Variants in SPOCK1 observed in about 807,000 individuals in gnomAD.
SPOCK1 encodes testican-1.
In SPOCK1, 23 loss-of-function variants were observed where a neutral mutation model predicts 55.3. The ratio of observed to expected loss-of-function variants is 0.42; its 90% CI spans 0.30 to 0.59. SPOCK1 has a LOEUF of 0.59. Ranked by LOEUF, SPOCK1 falls within the 20% of genes least tolerant of loss-of-function variation. SPOCK1 has a pLI of 0.22. For synonymous variants in SPOCK1, 226 were observed against 221.0 expected (o/e 1.02, Z -0.20); for missense variants, 499 against 552.5 (o/e 0.90, Z 0.97).
chr5:137,131,693 C>A (rs1248948681), intron 4 of SPOCK1, among the ~76,000 whole-genome samples: 1 of 151,458 alleles, frequency 6.6e-6, no homozygotes, highest in Non-Finnish European at 1.5e-5. Flanking sequence ...TATCTCCCCC[C>A]CGGGTGTGGT....
chr5:137,080,810 A>G (rs1752868003), intron 5 of SPOCK1, among the ~76,000 whole-genome samples: 1 of 152,214 alleles, frequency 6.6e-6, no homozygotes. Context: ...AAGTGGCTGT[A>G]TCAGAGAGAG....
chr5:137,097,778 ACTG>A (rs1193854993), intron 5 of SPOCK1, among the ~76,000 whole-genome samples: 76 of 152,276 alleles, frequency 5.0e-4, no homozygotes, highest in African/African-American at 1.6e-3. Flanking sequence ...CCCAAATACC[ACTG>A]CATCTGCCAC....
chr5:137,253,211 A>G (rs1756570338), intron 3 of SPOCK1, among the ~76,000 whole-genome samples: 1 of 152,240 alleles, frequency 6.6e-6, no homozygotes, highest in Non-Finnish European at 1.5e-5. Flanking sequence ...GAATTCACTC[A>G]GAGCAATAGG....
chr5:137,181,059 A>G (rs1443161423), intron 3 of SPOCK1, among the ~76,000 whole-genome samples: 1 of 152,170 alleles, frequency 6.6e-6, no homozygotes, highest in East Asian at 1.9e-4. Flanking sequence ...TGGAGTTCCA[A>G]TCTCACAAAT....
At chr5:137,418,365 C>A (rs1354827752) in intron 2 of SPOCK1, among the ~76,000 whole-genome samples, 1 of 152,152 alleles carries the variant, frequency 6.6e-6, no homozygotes, top group Non-Finnish European at 1.5e-5. Flanking sequence ...TTCTAGATCC[C>A]TGAGGAATCG....
At chr5:137,138,401 A>T (rs1018047249) in intron 4 of SPOCK1, among the ~76,000 whole-genome samples, 7 of 152,126 alleles carry the variant, frequency 4.6e-5, no homozygotes, top group Non-Finnish European at 1.0e-4. Flanking sequence ...AACCGATTTG[A>T]GTTTAAAACC....
chr5:137,072,373 C>T (rs1752637189), intron 5 of SPOCK1, among the ~76,000 whole-genome samples: 1 of 151,978 alleles, frequency 6.6e-6, no homozygotes, highest in Admixed American at 6.6e-5. Context: ...AAATACAAAC[C>T]CCTGGGGATT....
At chr5:137,302,954 T>C (rs1386808634) in intron 2 of SPOCK1, among the ~76,000 whole-genome samples, 2 of 152,174 alleles carry the variant, frequency 1.3e-5, no homozygotes, top group African/African-American at 2.4e-5. Context: ...AGCAGTATAT[T>C]TTATTATTTA....
intron 2 of SPOCK1, among the ~76,000 whole-genome samples, chr5:137,282,140 T>C (rs1442119563): frequency 6.6e-6 from 1 of 152,186 alleles, no homozygotes; most frequent in Non-Finnish European, 1.5e-5. Flanking sequence ...CACCAAGAAA[T>C]GGTAACTATA....
intron 3 of SPOCK1, among the ~76,000 whole-genome samples, chr5:137,213,455 C>G (rs11242372): frequency 6.6e-6 from 1 of 151,994 alleles, no homozygotes; most frequent in Non-Finnish European, 1.5e-5. Flanking sequence ...TCTCATTTTA[C>G]GCCATCAAAC....
intron 6 of SPOCK1, among the ~76,000 whole-genome samples, chr5:137,001,775 G>T (rs1751159185): frequency 6.6e-6 from 1 of 152,188 alleles, no homozygotes; most frequent in Non-Finnish European, 1.5e-5. Flanking sequence ...AGGAGCTTCA[G>T]GGGCTGGGAG....
chr5:137,401,345 T>A (rs941750793), intron 2 of SPOCK1, among the ~76,000 whole-genome samples: 8 of 152,150 alleles, frequency 5.3e-5, no homozygotes, highest in Non-Finnish European at 1.0e-4. Flanking sequence ...GCTTATCATG[T>A]GCTAGTTTTA....
chr5:137,076,821 T>C (rs1212202351), intron 5 of SPOCK1, among the ~76,000 whole-genome samples: 1 of 152,192 alleles, frequency 6.6e-6, no homozygotes, highest in Non-Finnish European at 1.5e-5. Flanking sequence ...ATTCATTCTA[T>C]AGATTAAGAG....
intron 2 of SPOCK1, among the ~76,000 whole-genome samples, chr5:137,369,955 C>A (rs1287901085): frequency 6.6e-6 from 1 of 152,186 alleles, no homozygotes; most frequent in Non-Finnish European, 1.5e-5. Context: ...CGGAGGAACA[C>A]AATTCTATCC....
intron 2 of SPOCK1, among the ~76,000 whole-genome samples, chr5:137,394,344 C>T (rs559200524): frequency 6.6e-6 from 1 of 152,342 alleles, no homozygotes; most frequent in South Asian, 2.1e-4. Context: ...AATTAATTCA[C>T]TAGCATCTCT....
intron 2 of SPOCK1, among the ~76,000 whole-genome samples, chr5:137,282,214 G>T (rs984939329): frequency 6.6e-6 from 1 of 152,128 alleles, no homozygotes; most frequent in Non-Finnish European, 1.5e-5. Flanking sequence ...AAAATATACC[G>T]CTACTTTCCT....
chr5:137,389,932 T>C (rs368697212), intron 2 of SPOCK1, among the ~76,000 whole-genome samples: 21 of 152,144 alleles, frequency 1.4e-4, no homozygotes, highest in African/African-American at 4.8e-4. Context: ...CATGCAGGGA[T>C]ACCACCCCCG....
intron 3 of SPOCK1, among the ~76,000 whole-genome samples, chr5:137,235,039 A>G (rs4976421): frequency 0.86 from 131,436 of 152,206 alleles, 56,830 homozygotes; most frequent in African/African-American, 0.91. Context: ...AACCAAGTGC[A>G]TGCTTTGTGT....
intron 5 of SPOCK1, among the ~76,000 whole-genome samples, chr5:137,097,193 G>C (rs890938914): frequency 1.4e-4 from 22 of 152,238 alleles, no homozygotes; most frequent in African/African-American, 4.6e-4. Flanking sequence ...CTGGCCACTG[G>C]GGGGTAGACT....
Sources: gnomAD v4.1 joint callset for allele counts (sites outside exome capture counted in the v4.1 genomes callset) on GRCh38, gnomAD v4.1.1 for gene constraint, MANE v1.5 for transcripts, NCBI Gene and HGNC (gene_info 2026-07-23, HGNC 2026-07-21) for gene names.